The following HACE1 variants were observed in gnomAD, a reference collection of about 807,000 sequenced individuals.
The protein encoded by HACE1 is HECT domain and ankyrin repeat containing E3 ubiquitin protein ligase 1.
HACE1 carries 73 observed loss-of-function variants against 118.4 expected under a neutral mutation model. The observed-to-expected ratio is 0.62, with a 90% CI of 0.51 to 0.75. HACE1 has a LOEUF of 0.75. Among genes scored for constraint, HACE1 ranks in the 30% least tolerant of loss-of-function variants. The probability of loss-of-function intolerance (pLI) is 0.00; values close to 1 mark genes in which losing one functional copy is unlikely to be tolerated. For synonymous variants in HACE1, 368 were observed against 374.8 expected (o/e 0.98, Z 0.21); for missense variants, 749 against 1,102.2 (o/e 0.68, Z 4.54).
At chr6:104,822,858 A>G (rs1218530293) in intron 6 of HACE1, among the ~76,000 whole-genome samples, 1 of 152,122 alleles carries the variant, frequency 6.6e-6, no homozygotes, top group Non-Finnish European at 1.5e-5. Flanking sequence ...AAAAAAAGTA[A>G]TGGTATTTTA....
At chr6:104,756,226 C>A (rs915923418) in intron 19 of HACE1, among the ~76,000 whole-genome samples, 1 of 151,706 alleles carries the variant, frequency 6.6e-6, no homozygotes, top group African/African-American at 2.4e-5. Context: ...GCTGGGCCAG[C>A]ATGGTGAAAC....
intron 22 of HACE1, among the ~76,000 whole-genome samples, chr6:104,738,599 G>C (rs1025187401): frequency 1.9e-4 from 29 of 148,876 alleles, no homozygotes; most frequent in South Asian, 6.4e-4. Flanking sequence ...GAAATGAAGC[G>C]AGAAGGGAAG....
chr6:104,757,391 C>G (rs1303337379), intron 19 of HACE1, among the ~76,000 whole-genome samples: 1 of 152,158 alleles, frequency 6.6e-6, no homozygotes, highest in African/African-American at 2.4e-5. Flanking sequence ...GCTGGTGATA[C>G]CCAGGCAAAT....
chr6:104,840,761 C>G (rs1197318398), intron 5 of HACE1, among the ~76,000 whole-genome samples: 1 of 152,138 alleles, frequency 6.6e-6, no homozygotes, highest in Admixed American at 6.5e-5. Flanking sequence ...GTCAGGAGTT[C>G]AAGACCAGCC....
In HACE1 at chr6:104,785,108, T is replaced by C; in HGVS notation, c.1286A>G (p.Asp429Gly). 7 of 1,613,938 alleles carry C rather than the reference T, an allele frequency of 4.3e-6. No individual in the cohort carries two copies. Among genetic ancestry groups the C allele is most frequent in the Non-Finnish European group, 5.9e-6 (7 of 1,179,868 alleles). The change falls in exon 12 of 24, where the codon GAT becomes GGT. Residue 429 changes from aspartate to glycine, a missense_variant. By Grantham distance (94) the Asp-to-Gly change is moderately conservative (BLOSUM62 -1). Around this residue, in one of 5 missense-constraint regions of HACE1, gnomAD observed 267 missense variants for 312.2 expected, o/e 0.86. Coordinates refer to ENST00000262903, the MANE Select transcript of HACE1 (RefSeq NM_020771.4). The part of the protein sequence containing the change: ...LSTGTRESKP[D>G]ALAGRQEASA... ...GGCTTCCTGTCTCCCTGCAAGAGCA[T>C]CTGGTTTAGATTCCCTTGTGCCAGT...
At chr6:104,839,035 C>T (rs1007713395) in intron 5 of HACE1, among the ~76,000 whole-genome samples, 2 of 151,182 alleles carry the variant, frequency 1.3e-5, no homozygotes, top group Non-Finnish European at 3.0e-5. Context: ...AAATGCAAAC[C>T]AAAACTACAA....
rs539280592 is a variant in HACE1, at chr6:104,775,797, T to G, written c.1864+944A>C. On this transcript the variant is annotated intron_variant, in intron 17 of 23. Coordinates refer to ENST00000262903, the MANE Select transcript of HACE1 (RefSeq NM_020771.4). Reference sequence around the variant, plus strand: ...TAGCTCTACTGCAGCCTACTCCCACTTGCCTCCCCTAAAATCATCCTTCTG... The same window carrying G: ...TAGCTCTACTGCAGCCTACTCCCACGTGCCTCCCCTAAAATCATCCTTCTG... Among the ~76,000 whole-genome samples, 4 of 152,310 alleles carry G rather than the reference T, an allele frequency of 2.6e-5. No homozygotes were observed. In the South Asian group the frequency reaches 8.3e-4, roughly 32 times the overall value.
intron 1 of HACE1, among the ~76,000 whole-genome samples, chr6:104,857,376 G>C (rs1431242958): frequency 6.6e-6 from 1 of 151,680 alleles, no homozygotes; most frequent in African/African-American, 2.4e-5. Context: ...ATGTGGAAAA[G>C]TTTTACTTTT....
At chr6:104,824,336 A>T (rs905774717) in intron 6 of HACE1, among the ~76,000 whole-genome samples, 2 of 152,238 alleles carry the variant, frequency 1.3e-5, no homozygotes, top group Non-Finnish European at 2.9e-5. Context: ...AGCTATGTAG[A>T]ACTATAATGA....
At chr6:104,820,231 TAAA>T (rs1772566216) in intron 6 of HACE1, among the ~76,000 whole-genome samples, 1 of 134,436 alleles carries the variant, frequency 7.4e-6, no homozygotes, top group African/African-American at 2.8e-5. Context: ...CCCAAAACCA[TAAA>T]ACCCTGGAAA....
rs1770497492 is a variant in HACE1 at position 104,802,537 on chromosome 6, A to T, written c.618-5512T>A. Among the ~76,000 whole-genome samples the T allele has an allele frequency of 2.0e-5, 3 of 152,224 alleles. No individual in the cohort carries two copies. In the South Asian group the frequency reaches 6.2e-4, roughly 32 times the overall value. Reference sequence around the variant, plus strand: ...GTCTCTCAGAGCACAGTGCAATCAAACTAGAACTCAGGATTAACAAACTCA... The same window carrying T: ...GTCTCTCAGAGCACAGTGCAATCAATCTAGAACTCAGGATTAACAAACTCA... On this transcript the variant is annotated intron_variant, in intron 7 of 23. Coordinates refer to ENST00000262903, the MANE Select transcript of HACE1 (RefSeq NM_020771.4).
Position 104,859,893 on chromosome 6 carries a change from G to A in HACE1, c.-251C>T, listed in dbSNP as rs908397568. On this transcript the variant is annotated 5_prime_UTR_variant, in exon 1 of 24. It adds an upstream start codon to the 5' untranslated region. Coordinates refer to ENST00000262903, the MANE Select transcript of HACE1 (RefSeq NM_020771.4). ...CCTTTCCTGCAGCCCCCGCCGCCGC[G>A]TCCCTCCCGGGCTCGCGTGGCCTTC... 3 of 472,364 alleles carry A rather than the reference G, an allele frequency of 6.4e-6. No homozygotes were observed. The highest frequency in any genetic ancestry group is 4.2e-5 in the African/African-American group (2 of 47,928). 29.3% of individuals were successfully genotyped at this position (472,364 alleles called of 1,614,324 possible). A position where few individuals can be genotyped will look rare whatever the true frequency, so the allele number is the denominator to read the frequency against.
chr6:104,858,379 A>C (rs957852851), intron 1 of HACE1: 3 of 236,312 alleles, frequency 1.3e-5, no homozygotes, highest in Admixed American at 6.0e-5. Context: ...TGAATTCTAA[A>C]TAGAGACTAG....
chr6:104,755,109 GA>G (rs889654646), intron 19 of HACE1, among the ~76,000 whole-genome samples: 1 of 151,836 alleles, frequency 6.6e-6, no homozygotes, highest in Non-Finnish European at 1.5e-5. Flanking sequence ...CAAGCAAATG[GA>G]AAACAGAAAA....
At chr6:104,807,536 A>G (rs1360048347) in intron 7 of HACE1, among the ~76,000 whole-genome samples, 1 of 152,176 alleles carries the variant, frequency 6.6e-6, no homozygotes, top group African/African-American at 2.4e-5. Context: ...TTATCTACAA[A>G]CAGAAAATAC....
chr6:104,754,664 G>C (rs144421604), intron 19 of HACE1, among the ~76,000 whole-genome samples: 1 of 152,266 alleles, frequency 6.6e-6, no homozygotes, highest in African/African-American at 2.4e-5. Flanking sequence ...TTCCAACTGA[G>C]AATTTCATAT....
chr6:104,736,325 C>A (rs1252770812), intron 22 of HACE1, among the ~76,000 whole-genome samples: 4 of 151,936 alleles, frequency 2.6e-5, no homozygotes, highest in South Asian at 2.1e-4. Flanking sequence ...CACACTGTCA[C>A]CCCAGCTAGA....
At chr6:104,767,255 A>G (rs1325318594) in intron 19 of HACE1, among the ~76,000 whole-genome samples, 2 of 152,206 alleles carry the variant, frequency 1.3e-5, no homozygotes, top group African/African-American at 4.8e-5. Context: ...CAACACTATC[A>G]GACATTAGGT....
At position 104,849,203 on chromosome 6, in the gene HACE1, C is replaced by T. The variant is rs746018759; in HGVS notation, c.265G>A (p.Ala89Thr). The change falls in exon 4 of 24, where the codon GCA becomes ACA. Residue 89 changes from alanine to threonine, a missense_variant. Around this residue, in one of 5 missense-constraint regions of HACE1, gnomAD observed 120 missense variants for 219.1 expected, o/e 0.55. Coordinates refer to ENST00000262903, the MANE Select transcript of HACE1 (RefSeq NM_020771.4). ...GAAATATCTTGATAGTTAGGATTTGCTCCTTTCTTTAACAGCAAAACCAAG... is the reference window on the plus strand; with the variant it reads ...GAAATATCTTGATAGTTAGGATTTGTTCCTTTCTTTAACAGCAAAACCAAG... ...ECLVLLLKKG[A>T]NPNYQDISGC... is the part of the protein sequence containing the mutation. 6.2e-7 allele frequency: 1 copy of T among 1,611,774 alleles called. No homozygotes were observed. The highest frequency in any genetic ancestry group is 1.1e-5 in the South Asian group (1 of 91,012).
Sources: allele counts gnomAD v4.1 joint callset (sites outside exome capture counted in the v4.1 genomes callset), GRCh38; gene constraint gnomAD v4.1.1; regional missense constraint gnomAD v4.1.1; transcripts MANE v1.5; gene names NCBI Gene and HGNC (gene_info 2026-07-23, HGNC 2026-07-21).